HSPA12B: variants seen among roughly 807,000 people sequenced by gnomAD.
HSPA12B encodes the protein heat shock protein family A (Hsp70) member 12B.
Under a neutral mutation model 69.3 loss-of-function variants are expected in HSPA12B, and 54 were observed. The ratio of observed to expected loss-of-function variants is 0.78; its 90% confidence interval spans 0.63 to 0.98. The LOEUF is 0.98. Ranked by LOEUF, HSPA12B falls within the 50% of genes least tolerant of loss-of-function variation. The pLI is 0.00. For missense variants in HSPA12B, 929 were observed against 999.8 expected, an observed-to-expected ratio of 0.93 and a Z score of 0.96; for synonymous variants, 441 against 436.5, an observed-to-expected ratio of 1.01 and a Z score of -0.13.
intron 7 of HSPA12B, among the ~76,000 whole-genome samples, chr20:3,746,301 CTTTTTTTT>C (rs11473544): frequency 4.5e-5 from 4 of 89,244 alleles, no homozygotes; most frequent in Admixed American, 1.5e-4. Context: ...GATGGAGAGT[CTTTTTTTT>C]TTTTTTTTTT....
In HSPA12B at chr20:3,750,105, T is replaced by C; in HGVS notation, c.1179T>C (p.Ala393=). Residue 393 remains alanine (A), a synonymous_variant, in exon 11 of 13, where the codon GCT becomes GCC. Transcript: ENST00000254963. ...AWVDLTIAFE[A]RKRTAGPHRA... is the part of the protein sequence containing the mutation. ...TAGATCTGACCATCGCCTTCGAGGC[T>C]CGCAAGCGCACTGCTGGCCCACACC... is the stretch of plus-strand genomic sequence containing the variant. The C allele has an allele frequency of 6.2e-7, 1 of 1,612,346 alleles. No homozygotes were observed. Among genetic ancestry groups the C allele is most frequent in the South Asian group, 1.1e-5 (1 of 91,002 alleles).
chr20:3,751,583 C>A lies in HSPA12B; in HGVS notation c.1478C>A (p.Ala493Glu). ...LFLVGGFAES[A>E]VLQHAVQAAL... ...CTAGTGGGCGGCTTCGCCGAGTCAG[C>A]GGTGCTGCAGCACGCGGTGCAGGCG... The change falls in exon 13 of 13, where the codon GCG becomes GAG. Residue 493 changes from alanine (A) to glutamate (E), a missense_variant. Physicochemically the swap from Ala to Glu is moderately radical, Grantham distance 107 (BLOSUM62 -1). Around this residue, in one of 3 missense-constraint regions of HSPA12B, gnomAD observed 448 missense variants for 448.1 expected, o/e 1.00. Coordinates refer to ENST00000254963, the MANE Select transcript of HSPA12B (RefSeq NM_052970.5). The A allele has an allele frequency of 1.3e-6, 2 of 1,504,070 alleles. No homozygotes were observed. The highest frequency in any genetic ancestry group is 4.7e-5 in the Admixed American group (2 of 42,220). The allele number at this position is 1,504,070 out of a possible 1,614,324, so 93.2% of individuals were successfully genotyped here.
rs74180402 is a variant in HSPA12B at position 3,748,404 on chromosome 20, C to T, written c.850+13C>T. The T allele has an allele frequency of 2.2e-5, 35 of 1,568,334 alleles. No homozygotes were observed. In the Middle Eastern group the frequency reaches 1.2e-3, roughly 55 times the overall value. On this transcript the variant is annotated intron_variant, in intron 8 of 12. Transcript: ENST00000254963. ...AGCTTCCGTCAGGGTGAGCTGCCCCCGGGGACACCACCCACCCCTGGAGGG... is the reference window on the plus strand; with the variant it reads ...AGCTTCCGTCAGGGTGAGCTGCCCCTGGGGACACCACCCACCCCTGGAGGG...
chr20:3,739,824 C>T (rs766276179), intron 2 of HSPA12B, among the ~76,000 whole-genome samples: 8 of 152,260 alleles, frequency 5.3e-5, no homozygotes, highest in African/African-American at 4.8e-5. Flanking sequence ...CAGCCTAAGG[C>T]GAGCCAGACC....
chr20:3,733,184 G>C (rs2088056974), intron 1 of HSPA12B, among the ~76,000 whole-genome samples: 1 of 152,154 alleles, frequency 6.6e-6, no homozygotes, highest in African/African-American at 2.4e-5. Context: ...GTTGGGGGGT[G>C]CCTCAGGGGT....
In HSPA12B at chr20:3,745,185, G is replaced by C; in HGVS notation, c.453+97G>C. 1 of 1,135,834 alleles carries C rather than the reference G, an allele frequency of 8.8e-7. No individual in the cohort carries two copies. 70.4% of individuals were successfully genotyped at this position (1,135,834 alleles called of 1,614,324 possible). On this transcript the variant is annotated intron_variant, in intron 5 of 12. Coordinates refer to ENST00000254963, the MANE Select transcript of HSPA12B (RefSeq NM_052970.5). The surrounding 1 kb of genome is among the most constrained non-coding windows in gnomAD (Gnocchi z 5.6). Reference sequence around the variant, plus strand: ...GACAAAACCAAAACGTGTGAGGACCGGCCCGATGGAGTCGTGGCTGAGAGG... The same window carrying C: ...GACAAAACCAAAACGTGTGAGGACCCGCCCGATGGAGTCGTGGCTGAGAGG...
intron 12 of HSPA12B, 54 bp from the exon 13 acceptor site, chr20:3,751,457 C>G: frequency 7.3e-7 from 1 of 1,368,690 alleles, no homozygotes; most frequent in East Asian, 2.9e-5. Flanking sequence ...CTCTCTCTCC[C>G]CCGCCCCTTC....
chr20:3,744,816 C>A lies in HSPA12B; in HGVS notation c.267-86C>A, dbSNP rs2088265695. 8 of 1,300,088 alleles carry A rather than the reference C, an allele frequency of 6.2e-6. No individual in the cohort carries two copies. Among genetic ancestry groups the A allele is most frequent in the Non-Finnish European group, 8.6e-6 (8 of 929,058 alleles). The allele number at this position is 1,300,088 out of a possible 1,614,324, so 80.5% of individuals were successfully genotyped here. A position where few individuals can be genotyped will look rare whatever the true frequency, so the allele number is the denominator to read the frequency against. On this transcript the variant is annotated intron_variant, in intron 4 of 12. Coordinates refer to ENST00000254963, the MANE Select transcript of HSPA12B (RefSeq NM_052970.5). The surrounding 1 kb of genome is among the most constrained non-coding windows in gnomAD (Gnocchi z 4.9). ...GCTAGTTCTCCCTGCTCTTTCACAT[C>A]TGTAAGTTTTTGCACATGCTGTTCC...
chr20:3,739,779 G>T (rs2088167577), intron 2 of HSPA12B, among the ~76,000 whole-genome samples: 1 of 152,166 alleles, frequency 6.6e-6, no homozygotes. Context: ...CACGTGACAG[G>T]ACTGTGGCTG....
rs1249254159 is a variant in HSPA12B at position 3,749,852 on chromosome 20, C to T, written c.1040C>T (p.Ser347Phe). 2.5e-6 allele frequency: 4 copies of T among 1,602,688 alleles called. No homozygotes were observed. In the African/African-American group the frequency reaches 4.0e-5, roughly 16 times the overall value. The change falls in exon 10 of 13, where the codon TCT becomes TTT. Residue 347 changes from serine (S) to phenylalanine (F), a missense_variant and splice_region_variant. Ser to Phe is a radical substitution (Grantham distance 155). Transcript: ENST00000254963. This position sits in a 1 kb window ranked among gnomAD's most constrained non-coding sequence, Gnocchi z 5.5. The stretch of plus-strand genomic sequence containing the variant: ...ACCCTCAAGGAGCTCTACAAGGCAT[C>T]TGGTGAGTAGCCAGGCGGCGCCCCG... ...HGTLKELYKA[S>F]GGPYGAVGVD...
Position 3,742,456 on chromosome 20 carries a change from C to T in HSPA12B, c.266+48C>T, listed in dbSNP as rs767360832. On this transcript the variant is annotated intron_variant, in intron 4 of 12. Coordinates refer to ENST00000254963, the MANE Select transcript of HSPA12B (RefSeq NM_052970.5). ...AGTGAGGTGGGGAAGGTGGGGAGTT[C>T]CTCATACCTTGGTCCCAAAAGTACT... is the stretch of plus-strand genomic sequence containing the variant. The T allele has an allele frequency of 5.5e-6, 8 of 1,459,228 alleles. No individual in the cohort carries two copies. The Admixed American group carries it at 1.4e-4, about 25-fold the overall frequency. The allele number at this position is 1,459,228 out of a possible 1,614,324, so 90.4% of individuals were successfully genotyped here. A position where few individuals can be genotyped will look rare whatever the true frequency, so the allele number is the denominator to read the frequency against.
chr20:3,740,989 G>A lies in HSPA12B; in HGVS notation c.141+77G>A, dbSNP rs2088191527. 2.5e-6 allele frequency: 3 copies of A among 1,207,752 alleles called. No homozygotes were observed. The highest frequency in any genetic ancestry group is 2.1e-5 in the Admixed American group (1 of 48,348). 74.8% of individuals were successfully genotyped at this position (1,207,752 alleles called of 1,614,324 possible). On this transcript the variant is annotated intron_variant, in intron 3 of 12. Transcript: ENST00000254963. This position sits in a 1 kb window ranked among gnomAD's most constrained non-coding sequence, Gnocchi z 4.9. Reference sequence around the variant, plus strand: ...GGTCGTGCGTGGCAAAGTCATGACAGGGCCTCAGCTAGGAAGGAGGAGGGG... The same window carrying A: ...GGTCGTGCGTGGCAAAGTCATGACAAGGCCTCAGCTAGGAAGGAGGAGGGG...
At chr20:3,741,043 C>T (rs1349429719) in intron 3 of HSPA12B, 131 bp downstream of exon 3, 9 of 678,068 alleles carry the variant, frequency 1.3e-5, no homozygotes, top group Non-Finnish European at 2.2e-5. Flanking sequence ...CTCTTGTCCC[C>T]GTACACTCCA....
rs2088264402 is a variant in HSPA12B at position 3,744,745 on chromosome 20, T to C, written c.267-157T>C. On this transcript the variant is annotated intron_variant, in intron 4 of 12. Coordinates refer to ENST00000254963, the MANE Select transcript of HSPA12B (RefSeq NM_052970.5). This position sits in a 1 kb window ranked among gnomAD's most constrained non-coding sequence, Gnocchi z 4.9. ...CTTCTGTGCTCTTCATGATCTCACC[T>C]TAGCATTCTTGTGTTTTCTCCTGCT... is the stretch of plus-strand genomic sequence containing the variant. Among the ~76,000 whole-genome samples, 1 of 152,258 alleles carries C rather than the reference T, an allele frequency of 6.6e-6. No individual in the cohort carries two copies. Among genetic ancestry groups the C allele is most frequent in the South Asian group, 2.1e-4 (1 of 4,834 alleles).
Position 3,752,060 on chromosome 20 carries a change from A to G in HSPA12B, c.1955A>G (p.Glu652Gly). Reference protein sequence around the residue: ...DTAGAPPGRREIRAAMQFGDT... With the variant: ...DTAGAPPGRRGIRAAMQFGDT... ...GCCGGCGCGCCTCCCGGCCGCCGCG[A>G]GATCCGCGCCGCCATGCAGTTTGGC... is the stretch of plus-strand genomic sequence containing the variant. The change falls in exon 13 of 13, where the codon GAG becomes GGG. Residue 652 changes from glutamate to glycine, a missense_variant. This residue lies in a region of HSPA12B where 448 missense variants were observed against 448.1 expected (regional missense o/e 1.00). Transcript: ENST00000254963. 1.9e-6 allele frequency: 3 copies of G among 1,551,726 alleles called. No individual in the cohort carries two copies. Among genetic ancestry groups the G allele is most frequent in the Middle Eastern group, 3.4e-4 (2 of 5,922 alleles).
chr20:3,741,075 T>C (rs544790306), intron 3 of HSPA12B, among the ~76,000 whole-genome samples, 163 bp downstream of exon 3: 10 of 152,148 alleles, frequency 6.6e-5, no homozygotes, highest in South Asian at 2.1e-4. Context: ...CCCAGAAGGA[T>C]TGGCCTTGGG....
intron 1 of HSPA12B, among the ~76,000 whole-genome samples, chr20:3,734,170 A>G (rs1372093972): frequency 5.3e-5 from 8 of 152,294 alleles, no homozygotes; most frequent in Admixed American, 5.2e-4. Flanking sequence ...CCTGTCTCAA[A>G]AAAAGGAGCG....
chr20:3,741,006 G>C, intron 3 of HSPA12B, 94 bp downstream of exon 3: 3 of 994,814 alleles, frequency 3.0e-6, no homozygotes, highest in Non-Finnish European at 4.5e-6. Flanking sequence ...AGCTAGGAAG[G>C]AGGAGGGGAT....
At chr20:3,741,879 A>G (rs1408123853) in intron 3 of HSPA12B, among the ~76,000 whole-genome samples, 2 of 152,116 alleles carry the variant, frequency 1.3e-5, no homozygotes, top group African/African-American at 2.4e-5. Flanking sequence ...AAAGAGCAAG[A>G]GGATAAAATA....
Sources: allele counts gnomAD v4.1 joint callset (sites outside exome capture counted in the v4.1 genomes callset), GRCh38; gene constraint gnomAD v4.1.1; regional missense constraint gnomAD v4.1.1; non-coding constraint Gnocchi (gnomAD v3.1); transcripts MANE v1.5; gene names NCBI Gene and HGNC (gene_info 2026-07-23, HGNC 2026-07-21).